Variants in TEX11 observed in about 807,000 individuals in gnomAD.
TEX11 encodes testis-expressed protein 11.
Under a neutral mutation model 84.4 loss-of-function variants are expected in TEX11, and 7 were observed. The ratio of observed to expected loss-of-function variants is 0.08; its 90% CI spans 0.05 to 0.16. TEX11 has a LOEUF of 0.16. Ranked by LOEUF, TEX11 falls within the 10% of genes least tolerant of loss-of-function variation. TEX11 has a pLI of 1.00. For synonymous variants in TEX11, 264 were observed against 222.8 expected (o/e 1.18, Z -1.64); for missense variants, 551 against 660.5 (o/e 0.83, Z 1.82).
intron 2 of TEX11, among the ~76,000 whole-genome samples, chrX:70,890,520 C>A (rs765891763): frequency 8.9e-6 from 1 of 112,734 alleles, no homozygotes; most frequent in South Asian, 3.7e-4. Flanking sequence ...GCTTTTCCAA[C>A]GGTCTTAGCA....
Position 70,623,978 on chromosome X carries a change from T to G in TEX11, c.1723A>C (p.Ile575Leu). The change falls in exon 20 of 30, where the codon ATT becomes CTT. Residue 575 changes from isoleucine to leucine, a missense_variant. Ile to Leu is a conservative substitution (Grantham distance 5, BLOSUM62 2). Coordinates refer to ENST00000374333, the MANE Select transcript of TEX11 (RefSeq NM_031276.3). ...TCTTCAGATTCCGGCATTTCAGCAATTTTTGGAAGAAGAAAACGAAGCAAA... is the reference window on the plus strand; with the variant it reads ...TCTTCAGATTCCGGCATTTCAGCAAGTTTTGGAAGAAGAAAACGAAGCAAA... ...KCLLRFLLPKIAEMPESEDKK... is the reference protein window; with the variant it reads ...KCLLRFLLPKLAEMPESEDKK... 8.3e-7 allele frequency: 1 copy of G among 1,205,104 alleles called. No homozygotes were observed. Among genetic ancestry groups the G allele is most frequent in the Non-Finnish European group, 1.1e-6 (1 of 892,002 alleles).
chrX:70,840,024 G>C (rs1247293927), intron 7 of TEX11, among the ~76,000 whole-genome samples: 1 of 111,866 alleles, frequency 8.9e-6, no homozygotes, highest in East Asian at 2.8e-4. Flanking sequence ...GAAAGTGATG[G>C]GGAGAATGGA....
At chrX:70,650,381 A>G (rs780237920) in intron 17 of TEX11, among the ~76,000 whole-genome samples, 7 of 111,992 alleles carry the variant, frequency 6.3e-5, no homozygotes, top group Admixed American at 1.9e-4. Context: ...AAAAAGTAAA[A>G]TAATTTTTAA....
chrX:70,677,032 A>G (rs1163748305), intron 15 of TEX11, among the ~76,000 whole-genome samples: 1 of 112,247 alleles, frequency 8.9e-6, no homozygotes, highest in Non-Finnish European at 1.9e-5. Context: ...CTGGGTCAGT[A>G]TCGATTGATT....
chrX:70,907,746 T>A lies in TEX11; in HGVS notation c.37+7A>T, dbSNP rs374722142. Reference sequence around the variant, plus strand: ...ACTATTTTGTACTACCACGTAGAGCTACGTACCTTTAAAGTCCATGGAAAA... The same window carrying A: ...ACTATTTTGTACTACCACGTAGAGCAACGTACCTTTAAAGTCCATGGAAAA... On this transcript the variant is annotated splice_region_variant and intron_variant, in intron 2 of 29. Coordinates refer to ENST00000374333, the MANE Select transcript of TEX11 (RefSeq NM_031276.3). 8.6e-7 allele frequency: 1 copy of A among 1,163,789 alleles called. No homozygotes were observed. The highest frequency in any genetic ancestry group is 1.8e-5 in the African/African-American group (1 of 56,968).
intron 7 of TEX11, among the ~76,000 whole-genome samples, chrX:70,850,407 G>A (rs1403980046): frequency 7.3e-5 from 8 of 110,299 alleles, no homozygotes; most frequent in African/African-American, 2.6e-4. Context: ...TTGCAGTTAC[G>A]TCACATCACT....
chrX:70,754,210 T>A (rs2090850956), intron 9 of TEX11, among the ~76,000 whole-genome samples: 1 of 109,694 alleles, frequency 9.1e-6, no homozygotes, highest in South Asian at 3.9e-4. Flanking sequence ...GGGAGCCGGG[T>A]GCTGTGAAGG....
intron 13 of TEX11, among the ~76,000 whole-genome samples, chrX:70,696,766 C>T (rs1477619880): frequency 9.2e-6 from 1 of 108,868 alleles, no homozygotes; most frequent in Admixed American, 9.6e-5. Context: ...AAGACTCTAT[C>T]TCAAAAACAA....
intron 7 of TEX11, among the ~76,000 whole-genome samples, chrX:70,852,362 AT>A (rs2091513143): frequency 9.0e-6 from 1 of 110,688 alleles, no homozygotes; most frequent in African/African-American, 3.3e-5. Flanking sequence ...TTTCACTTTT[AT>A]TTTTTGGTAG....
chrX:70,775,633 C>G (rs1289171875), intron 9 of TEX11, among the ~76,000 whole-genome samples: 1 of 107,885 alleles, frequency 9.3e-6, no homozygotes, highest in South Asian at 4.2e-4. Flanking sequence ...AACCCCATCT[C>G]TACTAAAAAT....
intron 7 of TEX11, among the ~76,000 whole-genome samples, chrX:70,852,481 T>G (rs1169266174): frequency 1.8e-5 from 2 of 112,285 alleles, no homozygotes; most frequent in East Asian, 5.6e-4. Context: ...CGAGCCACCA[T>G]GCCCAGCTGG....
At chrX:70,553,793 A>C (rs1207864527) in intron 26 of TEX11, among the ~76,000 whole-genome samples, 1 of 111,865 alleles carries the variant, frequency 8.9e-6, no homozygotes, top group Non-Finnish European at 1.9e-5. Flanking sequence ...ACAGGTTTGT[A>C]CTAAAATGTC....
intron 9 of TEX11, among the ~76,000 whole-genome samples, chrX:70,771,995 C>T (rs1373809971): frequency 3.6e-5 from 4 of 111,882 alleles, no homozygotes; most frequent in Admixed American, 9.5e-5. Context: ...CCTCATGGCA[C>T]GAAGCTTTAT....
In TEX11 at chrX:70,740,768, T is replaced by C. The variant is rs370599644; in HGVS notation, c.776A>G (p.Asn259Ser). 4.1e-5 allele frequency: 49 copies of C among 1,193,992 alleles called. No individual in the cohort carries two copies. In the African/African-American group the frequency reaches 8.1e-4, roughly 20 times the overall value. ...LAKVLRLLAT[N>S]YLDWDDTKYY... is the part of the protein sequence containing the mutation. Reference sequence around the variant, plus strand: ...TTTGGTGTCATCCCAATCCAAATAATTCGTGGCTAATAGCCGTAGAACTTT... The same window carrying C: ...TTTGGTGTCATCCCAATCCAAATAACTCGTGGCTAATAGCCGTAGAACTTT... Residue 259 changes from asparagine to serine, a missense_variant, in exon 11 of 30, where the codon AAT (asparagine) becomes AGT (serine). Coordinates refer to ENST00000374333, the MANE Select transcript of TEX11 (RefSeq NM_031276.3).
chrX:70,608,159 A>C (rs2089216194), intron 22 of TEX11, among the ~76,000 whole-genome samples: 1 of 112,045 alleles, frequency 8.9e-6, no homozygotes, highest in Non-Finnish European at 1.9e-5. Context: ...GAATTTTCAC[A>C]AAGTGGACAT....
intron 9 of TEX11, among the ~76,000 whole-genome samples, chrX:70,788,202 C>A (rs187032553): frequency 3.3e-4 from 37 of 111,758 alleles, no homozygotes; most frequent in Admixed American, 2.2e-3. Context: ...CACCAATTAG[C>A]AAATGCTACA....
chrX:70,593,654 T>G (rs1418629714), intron 24 of TEX11, among the ~76,000 whole-genome samples: 1 of 112,005 alleles, frequency 8.9e-6, no homozygotes, highest in Non-Finnish European at 1.9e-5. Context: ...GATAAAAATG[T>G]TCATCAAAAA....
At chrX:70,652,128 T>C (rs2089818035) in intron 16 of TEX11, among the ~76,000 whole-genome samples, 1 of 110,523 alleles carries the variant, frequency 9.0e-6, no homozygotes, top group Admixed American at 9.7e-5. Flanking sequence ...CACAATGGGG[T>C]GGAGGGAAAC....
chrX:70,674,918 T>C (rs2090056738), intron 15 of TEX11, among the ~76,000 whole-genome samples: 1 of 111,430 alleles, frequency 9.0e-6, no homozygotes, highest in East Asian at 2.8e-4. Flanking sequence ...TATTTGAATA[T>C]TTTTATGATT....
Sources: gnomAD v4.1 joint callset for allele counts (sites outside exome capture counted in the v4.1 genomes callset) on GRCh38, gnomAD v4.1.1 for gene constraint, MANE v1.5 for transcripts, NCBI Gene and HGNC (gene_info 2026-07-23, HGNC 2026-07-21) for gene names.